TMEM45A: variants seen among roughly 807,000 people sequenced by gnomAD.
TMEM45A encodes transmembrane protein 45A.
A neutral mutation model predicts 32.0 loss-of-function variants in TMEM45A; 25 were observed. The observed-to-expected ratio is 0.78, with a 90% CI of 0.57 to 1.09. The LOEUF is 1.09. TMEM45A is among the 50% of genes least tolerant of loss of function. The pLI is 0.00. For synonymous variants in TMEM45A, 122 were observed against 114.8 expected (o/e 1.06, Z -0.40); for missense variants, 302 against 325.0 (o/e 0.93, Z 0.54).
chr3:100,496,651 C>A (rs1707933295), intron 1 of TMEM45A, among the ~76,000 whole-genome samples: 1 of 152,216 alleles, frequency 6.6e-6, no homozygotes, highest in Non-Finnish European at 1.5e-5. Flanking sequence ...TGAATCTTGT[C>A]TATGAAATGT....
At chr3:100,520,801 A>G (rs539382473) in intron 1 of TMEM45A, among the ~76,000 whole-genome samples, 4 of 152,176 alleles carry the variant, frequency 2.6e-5, no homozygotes, top group Non-Finnish European at 5.9e-5. Flanking sequence ...AGAGTGTCTC[A>G]TCACCAAGAA....
chr3:100,555,301 C>A lies in TMEM45A; in HGVS notation c.90C>A (p.Ile30=). 6.2e-7 allele frequency: 1 copy of A among 1,613,962 alleles called. No homozygotes were observed. The highest frequency in any genetic ancestry group is 1.3e-5 in the African/African-American group (1 of 75,012). ...WWCTKSILKY[I]CKKQKRTCYL... ...GTACAAAGAGTATTCTGAAGTATAT[C>A]TGCAAAAAGCAAAAGCGAACCTGCT... The change falls in exon 2 of 6, where the codon ATC becomes ATA. Residue 30 remains isoleucine, a synonymous_variant. Transcript: ENST00000323523.
intron 1 of TMEM45A, among the ~76,000 whole-genome samples, chr3:100,539,953 A>T (rs1705831132): frequency 1.3e-5 from 2 of 152,200 alleles, no homozygotes; most frequent in Admixed American, 1.3e-4. Context: ...TTTCATAAAC[A>T]TTAACTCAAA....
rs199827653 is a variant in TMEM45A at position 100,558,421 on chromosome 3, C to G, written c.420C>G (p.Asn140Lys). The G allele has an allele frequency of 3.7e-6, 6 of 1,613,508 alleles. No individual in the cohort carries two copies. Among genetic ancestry groups the G allele is most frequent in the Non-Finnish European group, 8.5e-7 (1 of 1,180,006 alleles). Residue 140 changes from asparagine (N) to lysine (K), a missense_variant, in exon 4 of 6, where the codon AAC becomes AAG. Physicochemically the swap from Asn to Lys is moderately conservative, Grantham distance 94. Coordinates refer to ENST00000323523, the MANE Select transcript of TMEM45A (RefSeq NM_018004.3). ...CCCCATCAGCCTTTATCTTCTACAA[C>G]CACACTCATGGCCGGGAAATGCTGG... is the stretch of plus-strand genomic sequence containing the variant. The part of the protein sequence containing the change: ...ALFVEAFIFY[N>K]HTHGREMLDI...
At chr3:100,576,816 C>A (rs1430730188) in intron 5 of TMEM45A, 109 bp from the exon 6 acceptor site, 1 of 878,682 alleles carries the variant, frequency 1.1e-6, no homozygotes, top group Non-Finnish European at 1.8e-6. Context: ...TTTGGGTTGC[C>A]TTCCCCAGTT....
In TMEM45A at chr3:100,519,606, A is replaced by G. The variant is rs773388868; in HGVS notation, c.-4+26678A>G. The G allele has an allele frequency of 8.4e-6, 13 of 1,550,992 alleles. No homozygotes were observed. In the South Asian group the frequency reaches 1.5e-4, roughly 18 times the overall value. On this transcript the variant is annotated intron_variant, in intron 1 of 5. Coordinates refer to ENST00000323523, the MANE Select transcript of TMEM45A (RefSeq NM_018004.3). The stretch of plus-strand genomic sequence containing the variant: ...AGGGAAAATGGGATTTAAACACCCA[A>G]AGGTTAGTTTGGCGTTTCTGCAGTA...
At chr3:100,501,011 C>T (rs893869535) in intron 1 of TMEM45A, among the ~76,000 whole-genome samples, 2 of 151,870 alleles carry the variant, frequency 1.3e-5, no homozygotes, top group Non-Finnish European at 2.9e-5. Context: ...TAAAATTCCA[C>T]AGGCTTAAAA....
At chr3:100,576,286 T>TA (rs1445677930) in intron 5 of TMEM45A, among the ~76,000 whole-genome samples, 3 of 152,022 alleles carry the variant, frequency 2.0e-5, no homozygotes, top group African/African-American at 7.3e-5. Context: ...CCATCTCTAT[T>TA]AAAAATACAA....
chr3:100,560,123 G>A (rs922233437), intron 4 of TMEM45A, among the ~76,000 whole-genome samples: 4 of 152,042 alleles, frequency 2.6e-5, no homozygotes, highest in African/African-American at 4.8e-5. Context: ...TATTCCTAAT[G>A]GTTTTTCATC....
intron 1 of TMEM45A, among the ~76,000 whole-genome samples, chr3:100,541,191 C>T (rs573949120): frequency 3.0e-4 from 45 of 151,980 alleles, no homozygotes; most frequent in African/African-American, 5.1e-4. Context: ...TTTGCTCATT[C>T]GATTGTTTAA....
At chr3:100,503,585 T>C (rs914463434) in intron 1 of TMEM45A, among the ~76,000 whole-genome samples, 1 of 152,224 alleles carries the variant, frequency 6.6e-6, no homozygotes, top group African/African-American at 2.4e-5. Flanking sequence ...TTGCAGAGGT[T>C]TCATGAAGCA....
At chr3:100,535,171 A>C (rs954380663) in intron 1 of TMEM45A, among the ~76,000 whole-genome samples, 46 of 150,996 alleles carry the variant, frequency 3.0e-4, no homozygotes, top group Admixed American at 1.3e-3. Flanking sequence ...CCCAGGCTGG[A>C]GTACAGTGGT....
intron 1 of TMEM45A, among the ~76,000 whole-genome samples, chr3:100,516,119 C>T (rs1708257944): frequency 6.6e-6 from 1 of 152,030 alleles, no homozygotes; most frequent in African/African-American, 2.4e-5. Context: ...TAAATATGTA[C>T]AATGATTATG....
At chr3:100,574,135 C>T (rs1706632108) in intron 5 of TMEM45A, 1 of 152,036 alleles carries the variant, frequency 6.6e-6, no homozygotes, top group Non-Finnish European at 1.5e-5. Context: ...GGGAGGATTC[C>T]CTCTTTTTCT....
rs1705890165 is a variant in TMEM45A at position 100,541,967 on chromosome 3, A to AG, written c.-3-13242_-3-13241insG. ...TCAAAGATTAGATGACTGTACATGCATGTTTTATTTCTGTGTTCTCTATTT... is the reference window on the plus strand; with the variant it reads ...TCAAAGATTAGATGACTGTACATGCAGTGTTTTATTTCTGTGTTCTCTATTT... On this transcript the variant is annotated intron_variant, in intron 1 of 5. Coordinates refer to ENST00000323523, the MANE Select transcript of TMEM45A (RefSeq NM_018004.3). Among the ~76,000 whole-genome samples, 3 of 115,206 alleles carry AG rather than the reference A, an allele frequency of 2.6e-5. No homozygotes were observed. The South Asian group carries it at 7.1e-4, about 27-fold the overall frequency. The allele number at this position is 115,206 out of a possible 152,430, so 75.6% of individuals were successfully genotyped here. A position where few individuals can be genotyped will look rare whatever the true frequency, so the allele number is the denominator to read the frequency against.
intron 1 of TMEM45A, among the ~76,000 whole-genome samples, chr3:100,500,364 A>G (rs1707992239): frequency 6.6e-6 from 1 of 152,182 alleles, no homozygotes. Flanking sequence ...ACTCAAGTGA[A>G]AGAATGTTCT....
chr3:100,531,757 A>T (rs1170313829), intron 1 of TMEM45A, among the ~76,000 whole-genome samples: 1 of 152,246 alleles, frequency 6.6e-6, no homozygotes, highest in Non-Finnish European at 1.5e-5. Context: ...TACAGTAATT[A>T]CATATTCTGT....
At chr3:100,539,728 G>A (rs1026282608) in intron 1 of TMEM45A, among the ~76,000 whole-genome samples, 5 of 151,948 alleles carry the variant, frequency 3.3e-5, no homozygotes, top group Non-Finnish European at 5.9e-5. Flanking sequence ...TTCTATTCAC[G>A]CCCTCCATGG....
Position 100,502,535 on chromosome 3 carries a change from T to C in TMEM45A, c.-4+9607T>C, listed in dbSNP as rs571504156. Among the ~76,000 whole-genome samples the C allele has an allele frequency of 3.1e-3, 468 of 152,232 alleles. 1 individual carries two copies. Among genetic ancestry groups the C allele is most frequent in the Non-Finnish European group, 5.1e-3 (347 of 68,016 alleles). ...AGGCTGGGGTGCAGTGGCATGACCA[T>C]AGCTCACTGCAGCTTCAACCTCTTG... On this transcript the variant is annotated intron_variant, in intron 1 of 5. Transcript: ENST00000323523.
Sources: gnomAD v4.1 joint callset for allele counts (sites outside exome capture counted in the v4.1 genomes callset) on GRCh38, gnomAD v4.1.1 for gene constraint, MANE v1.5 for transcripts, NCBI Gene and HGNC (gene_info 2026-07-23, HGNC 2026-07-21) for gene names.